RRBP1: variants seen among roughly 807,000 people sequenced by gnomAD.
RRBP1 encodes ribosome binding protein 1, also known as ribosome-binding protein 1.
In RRBP1, 94 loss-of-function variants were observed where a neutral mutation model predicts 165.2. The observed-to-expected ratio is 0.57, with a 90% CI of 0.48 to 0.68. RRBP1 has a LOEUF of 0.68. Among genes scored for constraint, RRBP1 ranks in the 30% least tolerant of loss-of-function variants. The pLI is 0.00. For missense variants in RRBP1, 1,676 were observed against 1,763.0 expected (o/e 0.95, Z 0.88); for synonymous variants, 680 against 714.5 (o/e 0.95, Z 0.77).
intron 3 of RRBP1, among the ~76,000 whole-genome samples, chr20:17,652,346 T>A (rs931374091): frequency 6.6e-6 from 1 of 152,178 alleles, no homozygotes; most frequent in African/African-American, 2.4e-5. Flanking sequence ...CTGACTGATT[T>A]AGGTGATAAT....
chr20:17,636,426 G>A, intron 6 of RRBP1, 151 bp downstream of exon 6: 1 of 840,592 alleles, frequency 1.2e-6, no homozygotes, highest in African/African-American at 1.7e-5. Context: ...ACAGCCCCTG[G>A]ACTCCTAAAC....
chr20:17,677,211 C>A (rs2037099618), intron 2 of RRBP1, among the ~76,000 whole-genome samples: 1 of 152,158 alleles, frequency 6.6e-6, no homozygotes, highest in Non-Finnish European at 1.5e-5. Context: ...GCCTAACAGA[C>A]CTTGTTTGCT....
Position 17,621,894 on chromosome 20 carries a change from C to T in RRBP1, c.3201G>A (p.Leu1067=). 1 of 1,613,884 alleles carries T rather than the reference C, an allele frequency of 6.2e-7. No homozygotes were observed. The highest frequency in any genetic ancestry group is 1.1e-5 in the South Asian group (1 of 91,078). The part of the protein sequence containing the change: ...CLIEAQTMEA[L]LALLPELSVL... ...CAGAGAGTTCTGGGAGCAGAGCCAG[C>T]AGGGCCTCCATGGTCTGCGCCTCAA... The change falls in exon 14 of 25, where the codon CTG becomes CTA. Residue 1067 remains leucine, a synonymous_variant. Coordinates refer to ENST00000377813, the MANE Select transcript of RRBP1 (RefSeq NM_001365613.2).
Position 17,658,706 on chromosome 20 carries a change from T to C in RRBP1, c.1802A>G (p.Glu601Gly), listed in dbSNP as rs2036690630. Residue 601 changes from glutamate (E) to glycine (G), a missense_variant, in exon 3 of 25, where the codon GAG becomes GGG. By Grantham distance (98) the Glu-to-Gly change is moderately conservative. Transcript: ENST00000377813. The stretch of plus-strand genomic sequence containing the variant: ...ATTTCTGCCCTGGACAGAAGCTGAC[T>C]CTGTCTTTTTACCCTGATTGGCAGC... ...DAAANQGKKTESASVQGRNTD... is the reference protein window; with the variant it reads ...DAAANQGKKTGSASVQGRNTD... The C allele has an allele frequency of 6.2e-7, 1 of 1,614,120 alleles. No homozygotes were observed. The highest frequency in any genetic ancestry group is 1.7e-5 in the Admixed American group (1 of 60,014).
intron 3 of RRBP1, among the ~76,000 whole-genome samples, chr20:17,654,874 C>G (rs547910624): frequency 1.3e-5 from 2 of 152,348 alleles, no homozygotes; most frequent in East Asian, 3.9e-4. Context: ...GTTCCAGCAG[C>G]CCCTGCCTTC....
At chr20:17,618,063 C>T (rs1428852796) in intron 20 of RRBP1, among the ~76,000 whole-genome samples, 1 of 151,960 alleles carries the variant, frequency 6.6e-6, no homozygotes. Flanking sequence ...GGGGGCTGCT[C>T]TCTGCACCCG....
intron 2 of RRBP1, among the ~76,000 whole-genome samples, chr20:17,662,192 G>A (rs2036778279): frequency 6.6e-6 from 1 of 152,092 alleles, no homozygotes; most frequent in African/African-American, 2.4e-5. Flanking sequence ...GAACCTGGGA[G>A]GTGGAGCTTG....
In RRBP1 at chr20:17,643,121, G is replaced by A. The variant is rs765428486; in HGVS notation, c.1919C>T (p.Pro640Leu). Residue 640 changes from proline (P) to leucine (L), a missense_variant, in exon 4 of 25, where the codon CCA (proline) becomes CTA (leucine). Physicochemically the swap from Pro to Leu is moderately conservative, Grantham distance 98 (BLOSUM62 -3). Coordinates refer to ENST00000377813, the MANE Select transcript of RRBP1 (RefSeq NM_001365613.2). The surrounding 1 kb of genome is among the most constrained non-coding windows in gnomAD (Gnocchi z 4.3). Reference protein sequence around the residue: ...GSKKKGEPGPPDADGPLYLPY... With the variant: ...GSKKKGEPGPLDADGPLYLPY... ...GAGGTAGAGAGGGCCGTCGGCATCTGGGGGCCCTGTGCAGCAAGAGGGAAA... is the reference window on the plus strand; with the variant it reads ...GAGGTAGAGAGGGCCGTCGGCATCTAGGGGCCCTGTGCAGCAAGAGGGAAA... The A allele has an allele frequency of 6.8e-6, 11 of 1,613,466 alleles. No individual in the cohort carries two copies. The highest frequency in any genetic ancestry group is 9.3e-6 in the Non-Finnish European group (11 of 1,179,860).
Position 17,624,627 on chromosome 20 carries a change from G to C in RRBP1, c.3096C>G (p.Ala1032=). The C allele has an allele frequency of 6.3e-7, 1 of 1,592,110 alleles. No individual in the cohort carries two copies. The highest frequency in any genetic ancestry group is 1.3e-5 in the African/African-American group (1 of 74,856). ...TCTCCTTGCAGGCCTGCTCGGCCGT[G>C]GCCAGTGCCTCCATGGCCTTCCAGT... The part of the protein sequence containing the change: ...EKNWKAMEAL[A]TAEQACKEKL... The change falls in exon 13 of 25, where the codon GCC becomes GCG. Residue 1032 remains alanine, a synonymous_variant. Coordinates refer to ENST00000377813, the MANE Select transcript of RRBP1 (RefSeq NM_001365613.2).
At chr20:17,627,403 T>C (rs369818780) in intron 10 of RRBP1, 21 bp from the exon 11 acceptor site, 77 of 1,613,544 alleles carry the variant, frequency 4.8e-5, no homozygotes, top group Non-Finnish European at 6.4e-5. Flanking sequence ...AGACAAAAGC[T>C]CCTTGGTCTC....
At chr20:17,629,418 G>C (rs1230703801) in intron 9 of RRBP1, among the ~76,000 whole-genome samples, 2 of 152,220 alleles carry the variant, frequency 1.3e-5, no homozygotes, top group African/African-American at 4.8e-5. Flanking sequence ...GAAAGGCCCA[G>C]AACACACATT....
intron 2 of RRBP1, among the ~76,000 whole-genome samples, chr20:17,672,625 A>G (rs2036998391): frequency 6.6e-6 from 1 of 152,202 alleles, no homozygotes; most frequent in Non-Finnish European, 1.5e-5. Context: ...CTTTCTTTTA[A>G]AGCCGAGCAC....
chr20:17,645,271 A>C (rs932463575), intron 3 of RRBP1, among the ~76,000 whole-genome samples: 4 of 152,260 alleles, frequency 2.6e-5, no homozygotes, highest in Admixed American at 6.5e-5. Context: ...CCGCAGGCTC[A>C]GTCCACAGAG....
chr20:17,644,674 C>A (rs150910836), intron 3 of RRBP1, among the ~76,000 whole-genome samples: 1 of 152,208 alleles, frequency 6.6e-6, no homozygotes, highest in Admixed American at 6.5e-5. Context: ...AAGCGTCCTG[C>A]GCCGTCCGAT....
chr20:17,644,399 GA>G (rs2122375059), intron 3 of RRBP1, among the ~76,000 whole-genome samples: 1 of 152,282 alleles, frequency 6.6e-6, no homozygotes, highest in East Asian at 1.9e-4. Flanking sequence ...ACACACAAGA[GA>G]AAATTCTAAC....
intron 5 of RRBP1, chr20:17,641,422 C>T: frequency 4.1e-6 from 1 of 243,820 alleles, no homozygotes; most frequent in South Asian, 6.5e-5. Context: ...CTACTGTGGC[C>T]ACCCTCCTTT....
chr20:17,619,933 G>C, intron 18 of RRBP1: 1 of 557,528 alleles, frequency 1.8e-6, no homozygotes, highest in South Asian at 2.3e-5. Context: ...GCACTCCTGG[G>C]GACTGACATG....
At chr20:17,647,375 T>C (rs2036482916) in intron 3 of RRBP1, among the ~76,000 whole-genome samples, 1 of 152,236 alleles carries the variant, frequency 6.6e-6, no homozygotes. Flanking sequence ...GTGAGGGGCT[T>C]TGGGCCCTAG....
chr20:17,675,451 T>C (rs1318027060), intron 2 of RRBP1, among the ~76,000 whole-genome samples: 3 of 150,560 alleles, frequency 2.0e-5, no homozygotes, highest in East Asian at 4.0e-4. Flanking sequence ...CCTGCACTGG[T>C]AGAGCTTACG....
Sources: allele counts gnomAD v4.1 joint callset (sites outside exome capture counted in the v4.1 genomes callset), GRCh38; gene constraint gnomAD v4.1.1; non-coding constraint Gnocchi (gnomAD v3.1); transcripts MANE v1.5; gene names NCBI Gene and HGNC (gene_info 2026-07-23, HGNC 2026-07-21).